Variants in FGF13 observed in about 807,000 individuals in gnomAD.
FGF13 encodes the protein fibroblast growth factor homologous factor 2.
FGF13 carries 2 observed loss-of-function variants against 19.5 expected under a neutral mutation model. That is an observed-to-expected ratio of 0.10 (90% CI 0.04 to 0.32). FGF13 has a LOEUF of 0.32. Among genes scored for constraint, FGF13 ranks in the 10% least tolerant of loss-of-function variants. FGF13 has a pLI of 1.00. For missense variants in FGF13, 113 were observed against 192.7 expected (o/e 0.59, Z 2.45); for synonymous variants, 72 against 76.9 (o/e 0.94, Z 0.33).
intron 3 of FGF13, among the ~76,000 whole-genome samples, chrX:138,781,853 G>C (rs1227372409): frequency 9.0e-5 from 10 of 111,303 alleles, no homozygotes; most frequent in Non-Finnish European, 1.7e-4. Flanking sequence ...GAGACACAAC[G>C]AAAAAAGAGA....
At position 138,999,842 on chromosome X, in the gene FGF13, C is replaced by G. The variant is rs1028726096; in HGVS notation, c.-112-135192G>C. ...TCTTCCCTAACTCATTTTATGAGGC[C>G]AGCATGATCCTGATAACAAAACCTG... On this transcript the variant is annotated intron_variant, in intron 1 of 2. Transcript: ENST00000421460. 1.4e-4 allele frequency among the ~76,000 whole-genome samples: 16 copies of G among 111,859 alleles called. No homozygotes were observed. In the East Asian group the frequency reaches 4.5e-3, roughly 32 times the overall value.
At chrX:138,857,495 G>A (rs1161321957), downstream of FGF13, 9 of 1,167,168 alleles carry the variant, frequency 7.7e-6, no homozygotes, top group South Asian at 1.0e-4. Context: ...CAAAACACGC[G>A]TCTGTCGTGC....
intron 1 of FGF13, among the ~76,000 whole-genome samples, chrX:139,053,629 G>A (rs972642753): frequency 6.3e-5 from 7 of 111,259 alleles, no homozygotes; most frequent in Non-Finnish European, 1.3e-4. Context: ...ATTGGTTTGA[G>A]TTCCTTGTAG....
At chrX:138,942,413 T>C (rs1012105732) in intron 1 of FGF13, among the ~76,000 whole-genome samples, 2 of 112,119 alleles carry the variant, frequency 1.8e-5, no homozygotes, top group African/African-American at 3.2e-5. Flanking sequence ...ACATCACATC[T>C]GCATAACAAT....
chrX:138,971,054 T>C (rs186234238), intron 1 of FGF13, among the ~76,000 whole-genome samples: 1 of 111,596 alleles, frequency 9.0e-6, no homozygotes, highest in Non-Finnish European at 1.9e-5. Flanking sequence ...TTCTAAGTTA[T>C]GAAAAAGAAT....
At chrX:138,731,447 TAA>T (rs531760267) in intron 1 of FGF13, among the ~76,000 whole-genome samples, 12 of 91,434 alleles carry the variant, frequency 1.3e-4, no homozygotes, top group African/African-American at 4.0e-4. Context: ...AAGTCATGAG[TAA>T]AAAAAAAAAA....
At chrX:139,135,862 C>T (rs1289757356) in intron 1 of FGF13, among the ~76,000 whole-genome samples, 1 of 111,446 alleles carries the variant, frequency 9.0e-6, no homozygotes, top group Middle Eastern at 4.7e-3. Flanking sequence ...TGTCTCTGTA[C>T]GTCTTCATCA....
At chrX:139,140,424 C>A (rs1228984889) in intron 1 of FGF13, among the ~76,000 whole-genome samples, 2 of 111,417 alleles carry the variant, frequency 1.8e-5, no homozygotes, top group African/African-American at 6.5e-5. Flanking sequence ...ATCTGATATT[C>A]CCACACCTCT....
At chrX:138,833,539 CAGCTTAAAAAGCTTTTG>C (rs1569407033) in intron 3 of FGF13, among the ~76,000 whole-genome samples, 1 of 112,003 alleles carries the variant, frequency 8.9e-6, no homozygotes, top group Non-Finnish European at 1.9e-5. Flanking sequence ...AGTTTCTTAT[CAGCTTAAAAAGCTTTTG>C]AGCTGAGACT....
chrX:139,062,704 A>G (rs906959118), intron 1 of FGF13, among the ~76,000 whole-genome samples: 4 of 111,516 alleles, frequency 3.6e-5, no homozygotes, highest in African/African-American at 1.3e-4. Context: ...ATTTATTTTT[A>G]CCTTTTTCAA....
intron 1 of FGF13, among the ~76,000 whole-genome samples, chrX:139,194,994 C>T (rs2084360949): frequency 8.9e-6 from 1 of 111,893 alleles, no homozygotes; most frequent in Non-Finnish European, 1.9e-5. Context: ...TTGTCATGCC[C>T]GGAGCCGGCG....
At chrX:139,159,655 C>CAAAAAAAAAAAAAAAAAAAAAA (rs550001786) in intron 1 of FGF13, among the ~76,000 whole-genome samples, 2 of 51,646 alleles carry the variant, frequency 3.9e-5, no homozygotes, top group African/African-American at 1.5e-4. Flanking sequence ...AAAGAGAAAG[C>CAAAAAAAAAAAAAAAAAAAAAA]AAAAAAAAAA....
intron 1 of FGF13, among the ~76,000 whole-genome samples, chrX:138,719,820 G>A (rs936854745): frequency 2.7e-5 from 3 of 112,763 alleles, no homozygotes; most frequent in African/African-American, 9.7e-5. Flanking sequence ...ACAGTCAACA[G>A]ACTGAAATTA....
chrX:138,658,275 G>A (rs1349174408), intron 3 of FGF13, among the ~76,000 whole-genome samples: 1 of 112,191 alleles, frequency 8.9e-6, no homozygotes, highest in Non-Finnish European at 1.9e-5. Context: ...TTTAAATAAA[G>A]GTGTAAGCAA....
At chrX:138,813,197 T>C (rs1172920317) in intron 3 of FGF13, among the ~76,000 whole-genome samples, 1 of 111,780 alleles carries the variant, frequency 8.9e-6, no homozygotes, top group Non-Finnish European at 1.9e-5. Flanking sequence ...AGTAATGGGA[T>C]TGCTGGGTCA....
intron 1 of FGF13, among the ~76,000 whole-genome samples, chrX:139,102,220 A>G (rs1192725307): frequency 4.5e-5 from 5 of 112,067 alleles, no homozygotes; most frequent in African/African-American, 1.3e-4. Flanking sequence ...GCTTGGAGAC[A>G]GAAGTTTTAA....
chrX:138,811,304 A>G (rs1402689234), intron 3 of FGF13, among the ~76,000 whole-genome samples: 1 of 111,170 alleles, frequency 9.0e-6, no homozygotes, highest in Non-Finnish European at 1.9e-5. Context: ...AGGGACATGG[A>G]TGAAGCTGGA....
At position 138,691,568 on chromosome X, in the gene FGF13, C is replaced by T. The variant is rs192665435; in HGVS notation, c.402+11416G>A. On this transcript the variant is annotated intron_variant, in intron 3 of 4. Coordinates refer to ENST00000315930, the MANE Select transcript of FGF13 (RefSeq NM_004114.5). ...TTTCTATCAGACATTTTTCACTCTT[C>T]GTATTATTACAGTCTAAGTTATAAT... Among the ~76,000 whole-genome samples, 79 of 111,941 alleles carry T rather than the reference C, an allele frequency of 7.1e-4. 1 individual carries two copies. The East Asian group carries it at 0.022, about 31-fold the overall frequency.
At chrX:139,113,241 A>T (rs2083616533) in intron 1 of FGF13, among the ~76,000 whole-genome samples, 1 of 109,855 alleles carries the variant, frequency 9.1e-6, no homozygotes, top group Admixed American at 9.8e-5. Context: ...AGATCAACCC[A>T]TCATCTGTCT....
Sources: gnomAD v4.1 joint callset for allele counts (sites outside exome capture counted in the v4.1 genomes callset) on GRCh38, gnomAD v4.1.1 for gene constraint, MANE v1.5 for transcripts, NCBI Gene and HGNC (gene_info 2026-07-23, HGNC 2026-07-21) for gene names.